POC5: variants seen among roughly 807,000 people sequenced by gnomAD.
POC5 encodes centrosomal protein POC5.
In POC5, 48 loss-of-function variants were observed where a neutral mutation model predicts 62.9. The observed-to-expected ratio is 0.76, with a 90% CI of 0.61 to 0.97. The LOEUF is 0.97. Among genes scored for constraint, POC5 ranks in the 50% least tolerant of loss-of-function variants. The pLI is 0.00. For missense variants in POC5, 696 were observed against 679.5 expected, an observed-to-expected ratio of 1.02 and a Z score of -0.27; for synonymous variants, 236 against 228.2, an observed-to-expected ratio of 1.03 and a Z score of -0.31.
intron 1 of POC5, among the ~76,000 whole-genome samples, chr5:75,715,309 C>CAAAAAAAAAAAA (rs922297009): frequency 3.4e-5 from 2 of 59,324 alleles, no homozygotes; most frequent in Admixed American, 1.7e-4. Flanking sequence ...GACTCCGTCT[C>CAAAAAAAAAAAA]AAAAAAAAAA....
chr5:75,702,173 G>C (rs1776916265), intron 5 of POC5, among the ~76,000 whole-genome samples: 5 of 151,576 alleles, frequency 3.3e-5, no homozygotes, highest in Admixed American at 3.3e-4. Flanking sequence ...GGGGTGGAGG[G>C]TAAGGGGAGG....
chr5:75,680,186 G>T lies in POC5; in HGVS notation c.1408-2236C>A, dbSNP rs73763392. On this transcript the variant is annotated intron_variant, in intron 10 of 11. Coordinates refer to ENST00000428202, the MANE Select transcript of POC5 (RefSeq NM_001099271.2). ...TTTCAAAATAGAAAACTAATTGCTG[G>T]CAGGAATATTCTTTGCCAAAATGTG... 7.3e-3 allele frequency among the ~76,000 whole-genome samples: 1,108 copies of T among 152,214 alleles called. 17 individuals carry two copies. The highest frequency in any genetic ancestry group is 0.025 in the African/African-American group (1,055 of 41,526).
intron 11 of POC5, among the ~76,000 whole-genome samples, chr5:75,674,828 A>G (rs755800168): frequency 1.5e-4 from 23 of 152,230 alleles, no homozygotes; most frequent in Non-Finnish European, 3.1e-4. Context: ...CTCATTAAGA[A>G]AGCCACGGCA....
chr5:75,712,378 A>C (rs867170096), intron 2 of POC5: 1 of 1,604,174 alleles, frequency 6.2e-7, no homozygotes, highest in South Asian at 1.1e-5. Context: ...TAACTGACCC[A>C]CTTCATTTTA....
In POC5 at chr5:75,685,467, T is replaced by G. The variant is rs1275229292; in HGVS notation, c.1147A>C (p.Asn383His). 6.2e-7 allele frequency: 1 copy of G among 1,611,110 alleles called. No homozygotes were observed. The highest frequency in any genetic ancestry group is 8.5e-7 in the Non-Finnish European group (1 of 1,177,560). ...RNDAGIDSTN[N>H]KKEEYGPGVQ... ...CCAGGACCATACTCTTCCTTTTTAT[T>G]ATTTGTGGAGTCTATCCCTATAAAT... The change falls in exon 10 of 12, where the codon AAT becomes CAT. Residue 383 changes from asparagine (N) to histidine (H), a missense_variant. Transcript: ENST00000428202.
chr5:75,693,826 G>A (rs1449912077), intron 6 of POC5, among the ~76,000 whole-genome samples: 1 of 152,130 alleles, frequency 6.6e-6, no homozygotes, highest in Non-Finnish European at 1.5e-5. Flanking sequence ...TTATAGCCGG[G>A]CACAGATTTG....
intron 10 of POC5, among the ~76,000 whole-genome samples, chr5:75,682,615 A>G (rs1371900043): frequency 6.7e-6 from 1 of 148,844 alleles, no homozygotes; most frequent in Non-Finnish European, 1.5e-5. Flanking sequence ...TCCCGGGTTC[A>G]AGTGATTCTT....
chr5:75,715,203 G>C (rs932293322), intron 1 of POC5, among the ~76,000 whole-genome samples: 7 of 151,830 alleles, frequency 4.6e-5, no homozygotes, highest in Non-Finnish European at 1.5e-5. Flanking sequence ...CCAGCTACTT[G>C]GGAGGCTGAG....
At position 75,702,444 on chromosome 5, in the gene POC5, T is replaced by G. The variant is rs78081064; in HGVS notation, c.513+161A>C. On this transcript the variant is annotated intron_variant, in intron 5 of 11. Transcript: ENST00000428202. ...ACAGGCTCCCGCTATGATTCGTAAG[T>G]ACATTAAAGATTGAGAAGCAAGACT... is the stretch of plus-strand genomic sequence containing the variant. Among the ~76,000 whole-genome samples, 1,445 of 152,264 alleles carry G rather than the reference T, an allele frequency of 9.5e-3. 27 individuals carry two copies. The highest frequency in any genetic ancestry group is 0.033 in the African/African-American group (1,381 of 41,512).
In POC5 at chr5:75,705,690, A is replaced by C; in HGVS notation, c.307+14T>G. On this transcript the variant is annotated intron_variant, in intron 4 of 11. Transcript: ENST00000428202. Reference sequence around the variant, plus strand: ...GTTGTATATTAATACAAATAAGCTAAAGAAAAATCATACCATCTGTCTTTG... The same window carrying C: ...GTTGTATATTAATACAAATAAGCTACAGAAAAATCATACCATCTGTCTTTG... The C allele has an allele frequency of 6.8e-7, 1 of 1,479,170 alleles. No individual in the cohort carries two copies. Among genetic ancestry groups the C allele is most frequent in the Non-Finnish European group, 9.1e-7 (1 of 1,104,636 alleles). The allele number at this position is 1,479,170 out of a possible 1,614,324, so 91.6% of individuals were successfully genotyped here.
intron 4 of POC5, among the ~76,000 whole-genome samples, chr5:75,704,207 T>G (rs1043828756): frequency 2.6e-5 from 4 of 151,826 alleles, no homozygotes; most frequent in African/African-American, 9.7e-5. Context: ...TCTCACATAT[T>G]TATGCTGGAA....
chr5:75,711,143 A>G (rs368961097), intron 2 of POC5, among the ~76,000 whole-genome samples: 26 of 152,362 alleles, frequency 1.7e-4, no homozygotes, highest in African/African-American at 6.0e-4. Context: ...AGAGTTTCAT[A>G]TATGTAGACA....
intron 11 of POC5, among the ~76,000 whole-genome samples, chr5:75,676,817 ACTCTGT>A (rs1189146336): frequency 7.0e-6 from 1 of 143,628 alleles, no homozygotes; most frequent in Non-Finnish European, 1.5e-5. Flanking sequence ...CAAGAGAGAA[ACTCTGT>A]CTCAAAAAAA....
intron 10 of POC5, among the ~76,000 whole-genome samples, chr5:75,680,978 T>C (rs1775849432): frequency 6.6e-6 from 1 of 152,148 alleles, no homozygotes; most frequent in African/African-American, 2.4e-5. Flanking sequence ...CCAATCATGT[T>C]GGAGTTCATT....
chr5:75,693,498 T>A (rs768096028), intron 6 of POC5, among the ~76,000 whole-genome samples: 1 of 152,154 alleles, frequency 6.6e-6, no homozygotes, highest in South Asian at 2.1e-4. Flanking sequence ...TTACTCATTC[T>A]CATAAACTGA....
intron 7 of POC5, 91 bp from the exon 8 acceptor site, chr5:75,690,653 A>G (rs992543192): frequency 1.9e-6 from 2 of 1,026,664 alleles, no homozygotes. Context: ...GTAAGTGTAC[A>G]TATACACATT....
At chr5:75,698,520 G>A (rs978403570) in intron 5 of POC5, among the ~76,000 whole-genome samples, 2 of 152,064 alleles carry the variant, frequency 1.3e-5, no homozygotes, top group African/African-American at 2.4e-5. Flanking sequence ...TGAAACCACC[G>A]AGAACAAAGA....
At chr5:75,698,945 T>G (rs983742985) in intron 5 of POC5, among the ~76,000 whole-genome samples, 2 of 152,122 alleles carry the variant, frequency 1.3e-5, no homozygotes, top group African/African-American at 2.4e-5. Context: ...AACACCTCTA[T>G]GCAAATAAAC....
chr5:75,694,682 A>C lies in POC5; in HGVS notation c.663T>G (p.Phe221Leu), dbSNP rs1188201718. 1.3e-6 allele frequency: 2 copies of C among 1,574,070 alleles called. No homozygotes were observed. The highest frequency in any genetic ancestry group is 1.7e-6 in the Non-Finnish European group (2 of 1,165,656). The change falls in exon 6 of 12, where the codon TTT (phenylalanine) becomes TTG (leucine). Residue 221 changes from phenylalanine to leucine, a missense_variant. Phe to Leu is a conservative substitution (Grantham distance 22). Transcript: ENST00000428202. ...CATCTTTTCTCCCAATGGAGATTTCAAAGGTTTTTTGCAGCTCCTTCAATT... is the reference window on the plus strand; with the variant it reads ...CATCTTTTCTCCCAATGGAGATTTCCAAGGTTTTTTGCAGCTCCTTCAATT... ...INELKELQKT[F>L]EISIGRKDEV...
Sources: gnomAD v4.1 joint callset for allele counts (sites outside exome capture counted in the v4.1 genomes callset) on GRCh38, gnomAD v4.1.1 for gene constraint, MANE v1.5 for transcripts, NCBI Gene and HGNC (gene_info 2026-07-23, HGNC 2026-07-21) for gene names.